SYTL3: variants seen among roughly 807,000 people sequenced by gnomAD.
The protein encoded by SYTL3 is synaptotagmin like 3, also known as synaptotagmin-like protein 3.
A neutral mutation model predicts 82.1 loss-of-function variants in SYTL3; 88 were observed. That is an observed-to-expected ratio of 1.07 (90% CI 0.90 to 1.28). SYTL3 has a LOEUF of 1.28. SYTL3 is among the 50% of genes most tolerant of loss of function. The pLI is 0.00. For synonymous variants in SYTL3, 311 were observed against 289.4 expected (o/e 1.07, Z -0.76); for missense variants, 831 against 757.6 (o/e 1.10, Z -1.14).
intron 10 of SYTL3, among the ~76,000 whole-genome samples, 178 bp downstream of exon 10, chr6:158,718,389 G>T (rs1583352979): frequency 1.3e-5 from 2 of 152,360 alleles, no homozygotes. Flanking sequence ...GCCCAAGGCA[G>T]GTCAGGATTG....
At chr6:158,764,452 G>A in intron 17 of SYTL3, 43 bp from the exon 18 acceptor site, 1 of 1,427,098 alleles carries the variant, frequency 7.0e-7, no homozygotes, top group Admixed American at 1.7e-5. Flanking sequence ...GGATGAAGTG[G>A]TGCCCTCCCC....
At chr6:158,732,442 C>T (rs577328118) in intron 11 of SYTL3, among the ~76,000 whole-genome samples, 16 of 152,342 alleles carry the variant, frequency 1.1e-4, no homozygotes, top group South Asian at 2.1e-4. Flanking sequence ...TACGCGTGTG[C>T]GCACGGTAGG....
At chr6:158,720,079 A>G (rs1201101173) in intron 10 of SYTL3, among the ~76,000 whole-genome samples, 1 of 151,952 alleles carries the variant, frequency 6.6e-6, no homozygotes, top group African/African-American at 2.4e-5. Flanking sequence ...ACAGAGTGAA[A>G]CCCTGTCTCA....
intron 5 of SYTL3, among the ~76,000 whole-genome samples, chr6:158,674,829 A>G (rs189317986): frequency 7.2e-5 from 11 of 152,218 alleles, no homozygotes; most frequent in East Asian, 5.8e-4. Flanking sequence ...GCAGTGTTTA[A>G]TATTGATCAT....
intron 13 of SYTL3, among the ~76,000 whole-genome samples, chr6:158,754,536 C>A (rs1306269808): frequency 6.6e-6 from 1 of 152,102 alleles, no homozygotes; most frequent in Non-Finnish European, 1.5e-5. Context: ...TTGGCTAACA[C>A]GGTGAAACCC....
chr6:158,701,643 G>A (rs1781317013), intron 6 of SYTL3, among the ~76,000 whole-genome samples: 1 of 151,692 alleles, frequency 6.6e-6, no homozygotes. Context: ...GGAGATGGGG[G>A]TGGCAGAAAG....
At chr6:158,763,168 C>A in intron 16 of SYTL3, 136 bp from the exon 17 acceptor site, 2 of 807,692 alleles carry the variant, frequency 2.5e-6, no homozygotes, top group Non-Finnish European at 2.0e-6. Flanking sequence ...GGTTCCCACC[C>A]TGCTTCACTG....
At chr6:158,762,046 T>C (rs1160552079) in intron 15 of SYTL3, 30 bp from the exon 16 acceptor site, 3 of 1,536,546 alleles carry the variant, frequency 2.0e-6, no homozygotes, top group South Asian at 2.2e-5. Context: ...GGAGACATGG[T>C]TTGACAGTGA....
At chr6:158,715,494 C>G (rs1783261545) in intron 9 of SYTL3, among the ~76,000 whole-genome samples, 1 of 151,962 alleles carries the variant, frequency 6.6e-6, no homozygotes, top group African/African-American at 2.4e-5. Context: ...AGTGTAATAC[C>G]CAGGTGGACA....
chr6:158,750,615 C>A (rs1788269864), intron 12 of SYTL3, among the ~76,000 whole-genome samples: 1 of 152,116 alleles, frequency 6.6e-6, no homozygotes, highest in Non-Finnish European at 1.5e-5. Context: ...ACCTCCTGGG[C>A]TCAGGTGATC....
intron 8 of SYTL3, among the ~76,000 whole-genome samples, chr6:158,712,814 A>G (rs1782908567): frequency 6.8e-6 from 1 of 146,392 alleles, no homozygotes. Flanking sequence ...GCTGGAGACC[A>G]GTGGCGTGAT....
intron 5 of SYTL3, among the ~76,000 whole-genome samples, chr6:158,670,969 AT>A (rs1050885920): frequency 5.3e-5 from 8 of 150,992 alleles, no homozygotes; most frequent in Non-Finnish European, 1.0e-4. Context: ...AGCCCGGCTA[AT>A]TTTTTTTGTA....
intron 4 of SYTL3, 76 bp downstream of exon 4, chr6:158,663,454 G>A: frequency 6.4e-7 from 1 of 1,566,396 alleles, no homozygotes; most frequent in Non-Finnish European, 8.6e-7. Context: ...CGTCGCCAAT[G>A]CTGTTTGCTT....
At chr6:158,672,754 C>T (rs1777543937) in intron 5 of SYTL3, among the ~76,000 whole-genome samples, 1 of 151,926 alleles carries the variant, frequency 6.6e-6, no homozygotes, top group South Asian at 2.1e-4. Context: ...GCCTCAGTTT[C>T]CCTAGTAGCT....
intron 3 of SYTL3, among the ~76,000 whole-genome samples, chr6:158,662,464 T>C (rs1789493645): frequency 6.6e-6 from 1 of 152,212 alleles, no homozygotes; most frequent in Non-Finnish European, 1.5e-5. Flanking sequence ...GTTGGGAATG[T>C]CATTTTTCCA....
At chr6:158,712,553 AT>A (rs1249554514) in intron 8 of SYTL3, among the ~76,000 whole-genome samples, 3 of 152,160 alleles carry the variant, frequency 2.0e-5, no homozygotes, top group Non-Finnish European at 4.4e-5. Context: ...CTATCCCATA[AT>A]TGTGATTTTG....
intron 2 of SYTL3, among the ~76,000 whole-genome samples, chr6:158,657,963 G>A (rs1788899531): frequency 6.6e-6 from 1 of 151,564 alleles, no homozygotes; most frequent in Admixed American, 6.6e-5. Flanking sequence ...CACTATCTCA[G>A]CTCACTGCAA....
At chr6:158,734,765 C>T (rs1583421593) in intron 11 of SYTL3, among the ~76,000 whole-genome samples, 1 of 152,294 alleles carries the variant, frequency 6.6e-6, no homozygotes, top group East Asian at 1.9e-4. Flanking sequence ...TTCCCAAGAG[C>T]TGTATCCAAC....
At chr6:158,702,200 C>G (rs372949895) in intron 6 of SYTL3, among the ~76,000 whole-genome samples, 4 of 151,856 alleles carry the variant, frequency 2.6e-5, no homozygotes, top group East Asian at 3.9e-4. Flanking sequence ...GTAACTCACG[C>G]CTGTAATCCC....
Sources: allele counts gnomAD v4.1 joint callset (sites outside exome capture counted in the v4.1 genomes callset), GRCh38; gene constraint gnomAD v4.1.1; transcripts MANE v1.5; gene names NCBI Gene and HGNC (gene_info 2026-07-23, HGNC 2026-07-21).